Variants in GLRA1 observed in about 807,000 individuals in gnomAD.
The protein encoded by GLRA1 is glycine receptor alpha 1, also known as glycine receptor subunit alpha-1.
GLRA1 carries 37 observed loss-of-function variants against 48.3 expected under a neutral mutation model. That is an observed-to-expected ratio of 0.77 (90% CI 0.59 to 1.01). The LOEUF (loss-of-function observed/expected upper bound fraction) is 1.01. GLRA1 is among the 50% of genes least tolerant of loss of function. The pLI, the probability that GLRA1 is intolerant of heterozygous loss-of-function variation, is 0.00. For synonymous variants in GLRA1, 196 were observed against 210.7 expected, an observed-to-expected ratio of 0.93 and a Z score of 0.60; for missense variants, 427 against 571.0, an observed-to-expected ratio of 0.75 and a Z score of 2.57.
intron 6 of GLRA1, among the ~76,000 whole-genome samples, chr5:151,853,174 G>T (rs1253687811): frequency 1.3e-5 from 2 of 152,180 alleles, no homozygotes; most frequent in East Asian, 3.8e-4. Flanking sequence ...CTAATGTACA[G>T]CAATGTGACT....
rs1401506164 is a variant in GLRA1 at position 151,924,515 on chromosome 5, C to T, written c.35G>A (p.Trp12Ter). 1 of 1,604,974 alleles carries T rather than the reference C, an allele frequency of 6.2e-7. No homozygotes were observed. Among genetic ancestry groups the T allele is most frequent in the East Asian group, 2.2e-5 (1 of 44,836 alleles). ...YSFNTLRLYL[W>*]ETIVFFSLAA... ...ATACCTGAAGAATACAATGGTCTCCCAAAGGTAGAGTCGAAGAGTATTGAA... is the reference window on the plus strand; with the variant it reads ...ATACCTGAAGAATACAATGGTCTCCTAAAGGTAGAGTCGAAGAGTATTGAA... The change falls in exon 1 of 9, where the codon TGG becomes TAG. Residue 12 changes from tryptophan to a stop codon, truncating the protein, a stop_gained. Transcript: ENST00000274576. LOFTEE classifies it high-confidence loss of function.
intron 3 of GLRA1, among the ~76,000 whole-genome samples, chr5:151,881,044 C>T (rs1581640408): frequency 6.6e-6 from 1 of 152,208 alleles, no homozygotes; most frequent in African/African-American, 2.4e-5. Context: ...ATACACATTT[C>T]TCTTTGAAGT....
intron 7 of GLRA1, among the ~76,000 whole-genome samples, chr5:151,833,476 T>C (rs1428897456): frequency 2.0e-5 from 3 of 152,074 alleles, no homozygotes; most frequent in African/African-American, 7.2e-5. Flanking sequence ...TATTTTTCTT[T>C]TGAGACAGAG....
chr5:151,838,497 A>T (rs1026144841), intron 7 of GLRA1, among the ~76,000 whole-genome samples: 7 of 152,150 alleles, frequency 4.6e-5, no homozygotes, highest in Non-Finnish European at 7.4e-5. Context: ...GAAGAACCAA[A>T]TAGAAATTCT....
intron 1 of GLRA1, among the ~76,000 whole-genome samples, chr5:151,919,236 A>G (rs1314192691): frequency 6.6e-6 from 1 of 152,232 alleles, no homozygotes; most frequent in Non-Finnish European, 1.5e-5. Flanking sequence ...TATGTTAATG[A>G]TGAATGGTAT....
At chr5:151,891,474 G>C (rs1364264831) in intron 2 of GLRA1, among the ~76,000 whole-genome samples, 1 of 152,128 alleles carries the variant, frequency 6.6e-6, no homozygotes, top group Non-Finnish European at 1.5e-5. Flanking sequence ...CATAGATCTC[G>C]GTATCTGGCT....
intron 8 of GLRA1, among the ~76,000 whole-genome samples, chr5:151,826,524 C>T (rs895347971): frequency 7.2e-5 from 11 of 152,110 alleles, no homozygotes; most frequent in African/African-American, 2.7e-4. Context: ...CTGCCTTTGC[C>T]ATCAGTGCCT....
At chr5:151,924,364 G>A in intron 1 of GLRA1, 130 bp downstream of exon 1, 1 of 745,092 alleles carries the variant, frequency 1.3e-6, no homozygotes, top group South Asian at 1.4e-5. Flanking sequence ...GACGGGGGAT[G>A]GAAGGACCCG....
At chr5:151,879,200 A>T (rs1267329992) in intron 3 of GLRA1, among the ~76,000 whole-genome samples, 1 of 152,166 alleles carries the variant, frequency 6.6e-6, no homozygotes, top group Non-Finnish European at 1.5e-5. Context: ...TTAAGACTTG[A>T]CTGTCCTACT....
At chr5:151,843,157 A>G (rs1374058095) in intron 7 of GLRA1, among the ~76,000 whole-genome samples, 2 of 152,170 alleles carry the variant, frequency 1.3e-5, no homozygotes, top group Non-Finnish European at 1.5e-5. Context: ...AATATTGTTA[A>G]GATGGCAATA....
intron 1 of GLRA1, among the ~76,000 whole-genome samples, chr5:151,904,005 T>C (rs1754420669): frequency 1.3e-5 from 2 of 152,206 alleles, no homozygotes; most frequent in African/African-American, 4.8e-5. Flanking sequence ...CAAATATGCA[T>C]GGTTTTAAGT....
At chr5:151,908,642 C>T (rs1342459139) in intron 1 of GLRA1, among the ~76,000 whole-genome samples, 2 of 152,060 alleles carry the variant, frequency 1.3e-5, no homozygotes, top group Admixed American at 6.5e-5. Context: ...CTCCACATTT[C>T]TCTCCCCTTT....
intron 1 of GLRA1, among the ~76,000 whole-genome samples, chr5:151,905,580 C>A (rs1050713677): frequency 6.6e-6 from 1 of 152,032 alleles, no homozygotes; most frequent in African/African-American, 2.4e-5. Flanking sequence ...GTCCTAGAAG[C>A]AAAATTGCTG....
chr5:151,905,961 T>C (rs1754465036), intron 1 of GLRA1, among the ~76,000 whole-genome samples: 1 of 152,158 alleles, frequency 6.6e-6, no homozygotes, highest in African/African-American at 2.4e-5. Context: ...GTCATATTCA[T>C]TTTTTTAAAT....
intron 7 of GLRA1, among the ~76,000 whole-genome samples, chr5:151,848,475 T>A (rs1459751573): frequency 6.6e-6 from 1 of 152,208 alleles, no homozygotes; most frequent in East Asian, 1.9e-4. Context: ...CAGGTGATTC[T>A]CCTACCTCAG....
chr5:151,824,734 T>G (rs1279525592), intron 8 of GLRA1, among the ~76,000 whole-genome samples: 1 of 152,120 alleles, frequency 6.6e-6, no homozygotes. Context: ...TGTATATATC[T>G]CCGTCTTTTT....
intron 8 of GLRA1, among the ~76,000 whole-genome samples, chr5:151,825,342 G>T (rs558043518): frequency 1.3e-5 from 2 of 152,264 alleles, no homozygotes; most frequent in Admixed American, 6.5e-5. Flanking sequence ...ACCTAGTTAC[G>T]TAGGGGGAAG....
At chr5:151,843,258 T>A (rs1752555383) in intron 7 of GLRA1, among the ~76,000 whole-genome samples, 1 of 105,638 alleles carries the variant, frequency 9.5e-6, no homozygotes. Flanking sequence ...GCTTCTAAAT[T>A]TTTTTTTTTT....
intron 1 of GLRA1, among the ~76,000 whole-genome samples, chr5:151,916,949 G>T (rs980264213): frequency 6.6e-6 from 1 of 152,140 alleles, no homozygotes; most frequent in African/African-American, 2.4e-5. Context: ...TTATGAGAAA[G>T]GACAGAGTGT....
Sources: gnomAD v4.1 joint callset for allele counts (sites outside exome capture counted in the v4.1 genomes callset) on GRCh38, gnomAD v4.1.1 for gene constraint, MANE v1.5 for transcripts, NCBI Gene and HGNC (gene_info 2026-07-23, HGNC 2026-07-21) for gene names.